KAZN: variants seen among roughly 807,000 people sequenced by gnomAD.
KAZN encodes the protein kazrin.
In KAZN, 40 loss-of-function variants were observed where a neutral mutation model predicts 87.4. The ratio of observed to expected loss-of-function variants is 0.46; its 90% CI spans 0.36 to 0.60. The LOEUF is 0.60. Ranked by LOEUF, KAZN falls within the 20% of genes least tolerant of loss-of-function variation. KAZN has a pLI of 0.00. For synonymous variants in KAZN, 466 were observed against 458.3 expected, an observed-to-expected ratio of 1.02 and a Z score of -0.22; for missense variants, 898 against 1,073.9, an observed-to-expected ratio of 0.84 and a Z score of 2.29.
At chr1:15,008,726 G>T (rs534309797) in intron 2 of KAZN, among the ~76,000 whole-genome samples, 5 of 152,132 alleles carry the variant, frequency 3.3e-5, no homozygotes, top group South Asian at 4.1e-4. Flanking sequence ...TCTGTGTAAG[G>T]CACTGTTACT....
rs187267890 is a variant in KAZN, at chr1:14,075,157, T to A, written c.92-105278T>A. On this transcript the variant is annotated intron_variant, in intron 1 of 16. Coordinates refer to the KAZN transcript ENST00000636203. ...GTGGTTGTATAATGGGGAATTTGAATATAAATACCTGGTCTTTTTAGTGTA... is the reference window on the plus strand; with the variant it reads ...GTGGTTGTATAATGGGGAATTTGAAAATAAATACCTGGTCTTTTTAGTGTA... Among the ~76,000 whole-genome samples the A allele has an allele frequency of 2.8e-3, 424 of 152,332 alleles. 5 individuals carry two copies. The highest frequency in any genetic ancestry group is 9.9e-3 in the African/African-American group (411 of 41,566).
chr1:15,103,559 T>G (rs1471327329), intron 12 of KAZN, 99 bp downstream of exon 12: 2 of 805,964 alleles, frequency 2.5e-6, no homozygotes, highest in African/African-American at 3.4e-5. Context: ...CAAATCAATA[T>G]GCAGATCTCA....
chr1:14,490,137 C>G (rs981478931), intron 2 of KAZN, among the ~76,000 whole-genome samples: 1 of 152,176 alleles, frequency 6.6e-6, no homozygotes, highest in Non-Finnish European at 1.5e-5. Flanking sequence ...AGTGACTTGC[C>G]TTGTTAATTT....
intron 1 of KAZN, among the ~76,000 whole-genome samples, chr1:14,750,676 T>C (rs1233657836): frequency 6.6e-6 from 1 of 152,124 alleles, no homozygotes; most frequent in African/African-American, 2.4e-5. Context: ...AAAGAACTGA[T>C]TAATTCCTAG....
chr1:14,422,264 G>A (rs7531416), intron 2 of KAZN, among the ~76,000 whole-genome samples: 68,002 of 152,022 alleles, frequency 0.45, 15,890 homozygotes, highest in African/African-American at 0.56. Context: ...AACATCCGTG[G>A]GCTTCCGTGT....
chr1:14,800,374 A>G (rs1318866169), intron 1 of KAZN, among the ~76,000 whole-genome samples: 2 of 152,214 alleles, frequency 1.3e-5, no homozygotes, highest in Non-Finnish European at 2.9e-5. Flanking sequence ...GATGTGGTCA[A>G]TCCATGCAAT....
At chr1:13,965,018 A>C (rs1641893289) in intron 1 of KAZN, among the ~76,000 whole-genome samples, 1 of 152,050 alleles carries the variant, frequency 6.6e-6, no homozygotes, top group African/African-American at 2.4e-5. Flanking sequence ...GCAGGGACGC[A>C]CCTGGGGCAT....
intron 1 of KAZN, among the ~76,000 whole-genome samples, chr1:14,731,842 G>T (rs1460582452): frequency 6.6e-6 from 1 of 152,234 alleles, no homozygotes. Flanking sequence ...GTCTGTAGAA[G>T]GAGGATGACA....
chr1:13,893,390 A>C, exon 1 of KAZN: 9 of 334,220 alleles, frequency 2.7e-5, no homozygotes, highest in Admixed American at 5.0e-5. Context: ...GTTAGGGGGA[A>C]ACTTAGATTT....
intron 1 of KAZN, among the ~76,000 whole-genome samples, chr1:13,998,401 A>C (rs952422960): frequency 6.6e-6 from 1 of 152,222 alleles, no homozygotes; most frequent in Non-Finnish European, 1.5e-5. Context: ...AAATGGGCTA[A>C]ATGCCCCATT....
At chr1:14,663,834 T>G (rs552394419) in intron 1 of KAZN, among the ~76,000 whole-genome samples, 39 of 152,292 alleles carry the variant, frequency 2.6e-4, no homozygotes, top group Non-Finnish European at 5.1e-4. Flanking sequence ...CCCAAAAGAA[T>G]GGAAAGCAGG....
chr1:14,429,913 C>G (rs1171273522), intron 2 of KAZN, among the ~76,000 whole-genome samples: 1 of 152,032 alleles, frequency 6.6e-6, no homozygotes, highest in East Asian at 1.9e-4. Context: ...AGAGTAAAAG[C>G]CAAATTCTTT....
At chr1:14,158,854 C>T (rs900356518) in intron 1 of KAZN, among the ~76,000 whole-genome samples, 2 of 152,214 alleles carry the variant, frequency 1.3e-5, no homozygotes, top group African/African-American at 4.8e-5. Context: ...CTCTTATGGA[C>T]TCATAGAGGT....
Position 14,842,429 on chromosome 1 carries a change from G to A in KAZN, c.227-118255G>A, listed in dbSNP as rs142521078. On this transcript the variant is annotated intron_variant, in intron 1 of 14. Coordinates refer to ENST00000376030, the MANE Select transcript of KAZN (RefSeq NM_201628.3). The stretch of plus-strand genomic sequence containing the variant: ...GCACGATGAGAAGACTGAGGGTCTT[G>A]CCTGGAGCCAATGTCAGTCCATGGC... Among the ~76,000 whole-genome samples the A allele has an allele frequency of 7.7e-3, 1,166 of 152,310 alleles. 12 individuals are homozygous for A. The highest frequency in any genetic ancestry group is 0.026 in the African/African-American group (1,100 of 41,562).
intron 2 of KAZN, among the ~76,000 whole-genome samples, chr1:14,435,603 C>CTCCTGGGTGT (rs2101412859): frequency 6.6e-6 from 1 of 152,296 alleles, no homozygotes; most frequent in African/African-American, 2.4e-5. Context: ...TCCTGGGACC[C>CTCCTGGGTGT]AATTACACCC....
At position 15,056,210 on chromosome 1, in the gene KAZN, G is replaced by T; in HGVS notation, c.846G>T (p.Leu282=). The change falls in exon 5 of 15, where the codon CTG becomes CTT. Residue 282 remains leucine (L), a synonymous_variant. Coordinates refer to ENST00000376030, the MANE Select transcript of KAZN (RefSeq NM_201628.3). This position sits in a 1 kb window ranked among gnomAD's most constrained non-coding sequence, Gnocchi z 5.4. ...GGGTGGTGCAGGCGGACCTCCCGCT[G>T]ACCGCAGCCATCCGGCAGAGTCAAC... is the stretch of plus-strand genomic sequence containing the variant. The part of the protein sequence containing the change: ...QEWVVQADLP[L]TAAIRQSQQT... 1 of 1,614,094 alleles carries T rather than the reference G, an allele frequency of 6.2e-7. No homozygotes were observed. The highest frequency in any genetic ancestry group is 1.1e-5 in the South Asian group (1 of 91,088).
Position 14,681,542 on chromosome 1 carries a change from A to AT in KAZN, c.226+82327dup, listed in dbSNP as rs112193489. 4.4e-5 allele frequency among the ~76,000 whole-genome samples: 6 copies of AT among 136,584 alleles called. No homozygotes were observed. The East Asian group carries it at 8.6e-4, about 20-fold the overall frequency. The allele number at this position is 136,584 out of a possible 152,430, so 89.6% of individuals were successfully genotyped here. On this transcript the variant is annotated intron_variant, in intron 1 of 14. Coordinates refer to ENST00000376030, the MANE Select transcript of KAZN (RefSeq NM_201628.3). ...TGAAAGTGGCATTTGCAGTTGCTAC[A>AT]TTTTTTTTAATGGTGGTAAAATAGA...
intron 1 of KAZN, among the ~76,000 whole-genome samples, chr1:14,671,406 G>A (rs997366130): frequency 2.0e-5 from 3 of 152,200 alleles, no homozygotes; most frequent in Admixed American, 2.0e-4. Flanking sequence ...GAAACAGAAA[G>A]GAGGCTGGTG....
chr1:14,881,825 A>G (rs1411094687), intron 1 of KAZN, among the ~76,000 whole-genome samples: 1 of 152,162 alleles, frequency 6.6e-6, no homozygotes, highest in Non-Finnish European at 1.5e-5. Context: ...TTTTCTGTGT[A>G]TGGTTGTTTA....
Sources: gnomAD v4.1 joint callset for allele counts (sites outside exome capture counted in the v4.1 genomes callset) on GRCh38, gnomAD v4.1.1 for gene constraint, Gnocchi (gnomAD v3.1) non-coding constraint, MANE v1.5 for transcripts, NCBI Gene and HGNC (gene_info 2026-07-23, HGNC 2026-07-21) for gene names.